Variants in ZC3H12B observed in about 807,000 individuals in gnomAD.
ZC3H12B encodes the protein probable ribonuclease ZC3H12B.
A neutral mutation model predicts 43.9 loss-of-function variants in ZC3H12B; 7 were observed. That is an observed-to-expected ratio of 0.16 (90% CI 0.09 to 0.30). The LOEUF is 0.30. Ranked by LOEUF, ZC3H12B falls within the 10% of genes least tolerant of loss-of-function variation. ZC3H12B has a pLI of 1.00. For synonymous variants in ZC3H12B, 222 were observed against 241.7 expected, an observed-to-expected ratio of 0.92 and a Z score of 0.76; for missense variants, 475 against 670.2, an observed-to-expected ratio of 0.71 and a Z score of 3.22.
chrX:65,153,185 T>A, the ZC3H12B span, among the ~76,000 whole-genome samples: 2 of 111,625 alleles, frequency 1.8e-5, no homozygotes, highest in Non-Finnish European at 3.8e-5. Context: ...AAGGACTTAA[T>A]GTCTAAAACA....
At chrX:65,166,242 T>C in the ZC3H12B span, among the ~76,000 whole-genome samples, 1 of 110,745 alleles carries the variant, frequency 9.0e-6, no homozygotes, top group Admixed American at 9.7e-5. Context: ...CCCCACCCTG[T>C]GTCCAAGTGT....
chrX:65,251,638 T>C, the ZC3H12B span, among the ~76,000 whole-genome samples: 1 of 111,788 alleles, frequency 8.9e-6, no homozygotes, highest in African/African-American at 3.3e-5. Flanking sequence ...ATAGTTCTCC[T>C]TGAAAAGGTC....
the ZC3H12B span, among the ~76,000 whole-genome samples, chrX:65,162,954 G>A: frequency 1.8e-5 from 2 of 112,027 alleles, no homozygotes; most frequent in East Asian, 2.8e-4. Context: ...TGGTGTGGAT[G>A]TCCTTTCTGT....
chrX:65,066,331 G>T, the ZC3H12B span, among the ~76,000 whole-genome samples: 2 of 111,104 alleles, frequency 1.8e-5, no homozygotes, highest in African/African-American at 6.6e-5. Flanking sequence ...TTTTTTGTGG[G>T]TGTTCTTTTT....
At chrX:65,128,985 A>G in the ZC3H12B span, among the ~76,000 whole-genome samples, 1 of 110,071 alleles carries the variant, frequency 9.1e-6, no homozygotes, top group Non-Finnish European at 1.9e-5. Context: ...CATGTTTTTT[A>G]ATCTACTCTA....
At chrX:65,202,023 C>G in the ZC3H12B span, among the ~76,000 whole-genome samples, 1 of 88,432 alleles carries the variant, frequency 1.1e-5, no homozygotes, top group Non-Finnish European at 2.1e-5. Context: ...AAACCTCTTT[C>G]CTTTATAAAT....
chrX:65,393,590 A>T (rs2066656231), intron 2 of ZC3H12B, among the ~76,000 whole-genome samples: 1 of 112,077 alleles, frequency 8.9e-6, no homozygotes, highest in African/African-American at 3.2e-5. Context: ...CCTGCAAAGA[A>T]CATGAACTCA....
the ZC3H12B span, among the ~76,000 whole-genome samples, chrX:65,153,606 A>G: frequency 8.9e-6 from 1 of 112,050 alleles, no homozygotes; most frequent in Admixed American, 9.5e-5. Context: ...ATGTGGAGAA[A>G]TAGGAACACT....
At chrX:65,503,258 T>C in exon 5 of ZC3H12B, 1 of 903,609 alleles carries the variant, frequency 1.1e-6, no homozygotes, top group African/African-American at 2.0e-5. Context: ...TTAATACTAA[T>C]AATACACTAA....
the ZC3H12B span, among the ~76,000 whole-genome samples, chrX:65,165,343 A>G: frequency 5.4e-5 from 6 of 112,073 alleles, no homozygotes; most frequent in Non-Finnish European, 7.5e-5. Flanking sequence ...TACATGTGCC[A>G]TGGTGGTTGA....
At chrX:65,430,160 G>A (rs912020550) in intron 3 of ZC3H12B, among the ~76,000 whole-genome samples, 1 of 111,688 alleles carries the variant, frequency 9.0e-6, no homozygotes, top group African/African-American at 3.3e-5. Flanking sequence ...GCCAGATTAT[G>A]TAAAGCTCAT....
chrX:65,201,102 T>G, the ZC3H12B span, among the ~76,000 whole-genome samples: 2 of 112,069 alleles, frequency 1.8e-5, no homozygotes, highest in African/African-American at 6.5e-5. Flanking sequence ...TTGGAATAGT[T>G]TCAGAAGAAA....
the ZC3H12B span, among the ~76,000 whole-genome samples, chrX:65,062,857 C>CAA: frequency 2.7e-5 from 3 of 111,676 alleles, no homozygotes; most frequent in Non-Finnish European, 5.6e-5. Context: ...TTGTAGTTCT[C>CAA]CTTGAAGAAG....
intron 3 of ZC3H12B, among the ~76,000 whole-genome samples, chrX:65,422,925 C>CTTTTTTTTTTTTT (rs34567013): frequency 1.3e-4 from 6 of 46,183 alleles, no homozygotes; most frequent in African/African-American, 3.2e-4. Flanking sequence ...TCTTTCTTTG[C>CTTTTTTTTTTTTT]TTTTTTTTTT....
the ZC3H12B span, among the ~76,000 whole-genome samples, chrX:65,215,721 G>A: frequency 1.3e-4 from 14 of 111,596 alleles, no homozygotes; most frequent in Admixed American, 9.6e-4. Context: ...ATTCACAACT[G>A]CTAACTGTTT....
Position 65,464,491 on chromosome X carries a change from TA to T in ZC3H12B, n.408-24154del, listed in dbSNP as rs1229368658. 3.6e-5 allele frequency among the ~76,000 whole-genome samples: 4 copies of T among 111,649 alleles called. No homozygotes were observed. The Admixed American group carries it at 3.8e-4, about 11-fold the overall frequency. On this transcript the variant is annotated intron_variant and non_coding_transcript_variant, in intron 3 of 5. Coordinates refer to the ZC3H12B transcript ENST00000617377. ...TAATATCCCCTTTTATTCCTGATTT[TA>T]GTAATTTATGTCTCCTTTTTTTTAA...
At chrX:65,444,404 A>G (rs749101453) in intron 3 of ZC3H12B, among the ~76,000 whole-genome samples, 41 of 110,779 alleles carry the variant, frequency 3.7e-4, no homozygotes, top group African/African-American at 1.3e-3. Context: ...CATTGTAGTG[A>G]ATAAGTCTCA....
At chrX:65,116,561 A>AT in the ZC3H12B span, among the ~76,000 whole-genome samples, 794 of 108,425 alleles carry the variant, frequency 7.3e-3, 23 homozygotes, top group Admixed American at 0.053. Flanking sequence ...CAATTTTAGG[A>AT]TTTTTTTTCT....
chrX:65,087,785 G>A, the ZC3H12B span, among the ~76,000 whole-genome samples: 1 of 112,019 alleles, frequency 8.9e-6, no homozygotes, highest in Admixed American at 9.5e-5. Context: ...GTTTATGTCA[G>A]TAGAAAACTT....
Sources: allele counts gnomAD v4.1 joint callset (sites outside exome capture counted in the v4.1 genomes callset), GRCh38; gene constraint gnomAD v4.1.1; transcripts MANE v1.5; gene names NCBI Gene and HGNC (gene_info 2026-07-23, HGNC 2026-07-21).